Variants in ZNF565 observed in about 807,000 individuals in gnomAD.
ZNF565 encodes zinc finger protein 565.
A neutral mutation model predicts 39.4 loss-of-function variants in ZNF565; 27 were observed. The ratio of observed to expected loss-of-function variants is 0.69; its 90% CI spans 0.51 to 0.95. ZNF565 has a LOEUF of 0.95. Ranked by LOEUF, ZNF565 falls within the 40% of genes least tolerant of loss-of-function variation. ZNF565 has a pLI of 0.00. For missense variants in ZNF565, 524 were observed against 621.1 expected, an observed-to-expected ratio of 0.84 and a Z score of 1.66; for synonymous variants, 185 against 216.6, an observed-to-expected ratio of 0.85 and a Z score of 1.28.
chr19:36,215,910 A>G (rs1472557047), upstream of ZNF565, among the ~76,000 whole-genome samples: 1 of 152,154 alleles, frequency 6.6e-6, no homozygotes, highest in African/African-American at 2.4e-5. Context: ...GTGTTTATCT[A>G]TGAGTCTGGA....
rs1334765396 is a variant in ZNF565 at position 36,236,377 on chromosome 19, C to T, written c.55+9099G>A. The T allele has an allele frequency of 4.6e-6, 7 of 1,525,250 alleles. No individual in the cohort carries two copies. The East Asian group carries it at 1.6e-4, about 34-fold the overall frequency. 94.5% of individuals were successfully genotyped at this position (1,525,250 alleles called of 1,614,324 possible). On this transcript the variant is annotated intron_variant, in intron 1 of 4. Coordinates refer to the ZNF565 transcript ENST00000355114. ...GAAATATCTTCAGCCAAAAGTAAAT[C>T]CTCACTCATCAAGAAATTTTTACTG...
intron 1 of ZNF565, among the ~76,000 whole-genome samples, chr19:36,232,450 G>T (rs1977423496): frequency 6.6e-6 from 1 of 151,814 alleles, no homozygotes; most frequent in Non-Finnish European, 1.5e-5. Flanking sequence ...CCTTAAACAT[G>T]GTTTTAGATT....
intron 1 of ZNF565, among the ~76,000 whole-genome samples, 189 bp from the exon 2 acceptor site, chr19:36,202,239 C>T (rs369533103): frequency 3.1e-4 from 47 of 152,174 alleles, no homozygotes; most frequent in East Asian, 5.8e-4. Context: ...TGGTGGCTCA[C>T]GCCTGTAAAC....
At chr19:36,200,181 A>G (rs552099354) in intron 2 of ZNF565, among the ~76,000 whole-genome samples, 2 of 151,460 alleles carry the variant, frequency 1.3e-5, no homozygotes, top group Non-Finnish European at 2.9e-5. Context: ...ATGCGCCATC[A>G]TGCCCGGCTA....
Position 36,231,909 on chromosome 19 carries a change from TA to T in ZNF565, c.55+13566del, listed in dbSNP as rs60263832. Among the ~76,000 whole-genome samples, 823 of 145,790 alleles carry T rather than the reference TA, an allele frequency of 5.6e-3. 14 individuals are homozygous for T. Among genetic ancestry groups the T allele is most frequent in the African/African-American group, 0.018 (738 of 40,024 alleles). On this transcript the variant is annotated intron_variant, in intron 1 of 4. Coordinates refer to the ZNF565 transcript ENST00000355114. ...GTTGAGACCCCGTATCTTTTTTATT[TA>T]AAAAAAAAAAGGCCAGACTCGGTGG... is the stretch of plus-strand genomic sequence containing the variant.
intron 1 of ZNF565, among the ~76,000 whole-genome samples, chr19:36,206,823 G>C (rs2145356096): frequency 6.6e-6 from 1 of 152,184 alleles, no homozygotes; most frequent in East Asian, 1.9e-4. Flanking sequence ...CAAAGACTCT[G>C]TCACAAACAA....
At chr19:36,192,427 C>T (rs569227069) in intron 4 of ZNF565, among the ~76,000 whole-genome samples, 16 of 151,920 alleles carry the variant, frequency 1.1e-4, no homozygotes, top group Non-Finnish European at 2.1e-4. Context: ...GAGAGACAAT[C>T]TACAAAAAAA....
rs753655715 is a variant in ZNF565 at position 36,183,097 on chromosome 19, C to A, written c.869G>T (p.Arg290Leu). 3 of 1,614,016 alleles carry A rather than the reference C, an allele frequency of 1.9e-6. No individual in the cohort carries two copies. In the South Asian group the frequency reaches 3.3e-5, roughly 18 times the overall value. Residue 290 changes from arginine (R) to leucine (L), a missense_variant, in exon 5 of 5, where the codon CGT (arginine) becomes CTT (leucine). Physicochemically the swap from Arg to Leu is moderately radical, Grantham distance 102. Coordinates refer to ENST00000304116, the MANE Select transcript of ZNF565 (RefSeq NM_152477.5). ...CCGATGCACAGTGAGTTGGGAGCCA[C>A]GAATGAAAGCCTTGCCACAGTCTTT... is the stretch of plus-strand genomic sequence containing the variant. The part of the protein sequence containing the change: ...VCKDCGKAFI[R>L]GSQLTVHRRI...
rs1313384237 is a variant in ZNF565, at chr19:36,182,448, C to A, written c.*18G>T. The A allele has an allele frequency of 3.6e-5, 56 of 1,538,872 alleles. No homozygotes were observed. In the Admixed American group the frequency reaches 1.2e-3, roughly 32 times the overall value. ...CTCCACATAAAGGCTTATCTTTATCCCTTACACTCAAGGCTTTCTAACCAG... is the reference window on the plus strand; with the variant it reads ...CTCCACATAAAGGCTTATCTTTATCACTTACACTCAAGGCTTTCTAACCAG... On this transcript the variant is annotated 3_prime_UTR_variant, in exon 5 of 5. Coordinates refer to ENST00000304116, the MANE Select transcript of ZNF565 (RefSeq NM_152477.5).
chr19:36,224,915 G>C (rs527976488), intron 1 of ZNF565, among the ~76,000 whole-genome samples: 27 of 152,086 alleles, frequency 1.8e-4, no homozygotes, highest in Non-Finnish European at 4.0e-4. Flanking sequence ...GCTATGAATG[G>C]AGTCATTGTT....
chr19:36,234,616 C>T (rs1438398083), intron 1 of ZNF565, among the ~76,000 whole-genome samples: 1 of 152,170 alleles, frequency 6.6e-6, no homozygotes, highest in Admixed American at 6.5e-5. Context: ...CCAGGATGGT[C>T]TTGATCTCCT....
At chr19:36,218,822 AG>A (rs1202964578), upstream of ZNF565, among the ~76,000 whole-genome samples, 1 of 128,712 alleles carries the variant, frequency 7.8e-6, no homozygotes, top group Non-Finnish European at 1.6e-5. Flanking sequence ...TTTTTGGTGG[AG>A]GGGGGGACAG....
intron 1 of ZNF565, among the ~76,000 whole-genome samples, chr19:36,205,155 AG>A (rs1265351521): frequency 6.6e-6 from 1 of 152,146 alleles, no homozygotes; most frequent in Admixed American, 6.6e-5. Context: ...TGGGAAGCTG[AG>A]GTGTGTCGTT....
intron 1 of ZNF565, among the ~76,000 whole-genome samples, chr19:36,231,088 G>A (rs61413061): frequency 0.26 from 39,418 of 152,026 alleles, 5,515 homozygotes; most frequent in African/African-American, 0.37. Flanking sequence ...AAGGATATAC[G>A]TGACACGCGT....
intron 4 of ZNF565, among the ~76,000 whole-genome samples, chr19:36,189,897 G>A (rs1975462595): frequency 6.6e-6 from 1 of 151,792 alleles, no homozygotes; most frequent in Admixed American, 6.6e-5. Flanking sequence ...ATGCGCGATC[G>A]ATCTTGGTTC....
At chr19:36,228,921 G>T (rs995399083) in intron 1 of ZNF565, 10 of 152,162 alleles carry the variant, frequency 6.6e-5, no homozygotes, top group Admixed American at 2.0e-4. Flanking sequence ...ATAGAGTATT[G>T]CTTGGTATGA....
At chr19:36,188,602 C>T (rs1027990722) in intron 4 of ZNF565, among the ~76,000 whole-genome samples, 1 of 151,258 alleles carries the variant, frequency 6.6e-6, no homozygotes, top group Admixed American at 6.6e-5. Context: ...GTCCCAGCTA[C>T]TCAAGAGGCT....
chr19:36,204,231 T>G (rs1419167522), intron 1 of ZNF565, among the ~76,000 whole-genome samples: 1 of 152,124 alleles, frequency 6.6e-6, no homozygotes, highest in African/African-American at 2.4e-5. Context: ...ATTACAGGTG[T>G]GAGCCACCGA....
chr19:36,218,475 C>T (rs1976704136), upstream of ZNF565, among the ~76,000 whole-genome samples: 1 of 145,382 alleles, frequency 6.9e-6, no homozygotes, highest in South Asian at 2.2e-4. Context: ...ATTAATATTT[C>T]TTTTTTTTTT....
Sources: gnomAD v4.1 joint callset for allele counts (sites outside exome capture counted in the v4.1 genomes callset) on GRCh38, gnomAD v4.1.1 for gene constraint, MANE v1.5 for transcripts, NCBI Gene and HGNC (gene_info 2026-07-23, HGNC 2026-07-21) for gene names.